Variants in FSIP2 observed in about 807,000 individuals in gnomAD.
The protein encoded by FSIP2 is fibrous sheath-interacting protein 2.
Under a neutral mutation model 510.5 loss-of-function variants are expected in FSIP2, and 367 were observed. That is an observed-to-expected ratio of 0.72 (90% CI 0.66 to 0.78). The LOEUF (loss-of-function observed/expected upper bound fraction) is 0.78. Among genes scored for constraint, FSIP2 ranks in the 30% least tolerant of loss-of-function variants. FSIP2 has a pLI of 0.00. For synonymous variants in FSIP2, 2,601 were observed against 2,732.2 expected, an observed-to-expected ratio of 0.95 and a Z score of 1.50; for missense variants, 7,594 against 7,901.7, an observed-to-expected ratio of 0.96 and a Z score of 1.48.
In FSIP2 at chr2:185,795,357, G is replaced by A. The variant is rs1693242609; in HGVS notation, c.8221G>A (p.Asp2741Asn). 1 of 1,534,594 alleles carries A rather than the reference G, an allele frequency of 6.5e-7. No homozygotes were observed. Among genetic ancestry groups the A allele is most frequent in the Admixed American group, 2.0e-5 (1 of 50,890 alleles). Residue 2741 changes from aspartate (D) to asparagine (N), a missense_variant, in exon 16 of 23, where the codon GAT becomes AAT. Asp to Asn is a conservative substitution (Grantham distance 23). Coordinates refer to ENST00000424728, the MANE Select transcript of FSIP2 (RefSeq NM_173651.4). The stretch of plus-strand genomic sequence containing the variant: ...TTCAGAACTAAAAATATATGCCAAG[G>A]ATATAATAATTAACATCCTAGAAAC... ...PTSELKIYAK[D>N]IIINILETIV...
intron 4 of FSIP2, 27 bp downstream of exon 4, chr2:185,744,438 A>T: frequency 1.7e-6 from 1 of 586,998 alleles, no homozygotes; most frequent in South Asian, 3.8e-5. Context: ...AATTTGGTTT[A>T]TTTACATAGA....
intron 19 of FSIP2, among the ~76,000 whole-genome samples, chr2:185,821,786 C>CAAAAAAAATACAAAAAAAATACAAAAA (rs1693924919): frequency 6.6e-6 from 1 of 151,628 alleles, no homozygotes; most frequent in Non-Finnish European, 1.5e-5. Context: ...AATAGCCAGA[C>CAAAAAAAATACAAAAAAAATACAAAAA]ATGGTGGTGT....
At chr2:185,751,461 CTGTGTGTG>C (rs56395901) in intron 7 of FSIP2, among the ~76,000 whole-genome samples, 14 of 135,870 alleles carry the variant, frequency 1.0e-4, no homozygotes, top group African/African-American at 2.4e-4. Flanking sequence ...CTTTATTTTT[CTGTGTGTG>C]TGTGTGTGTG....
intron 5 of FSIP2, 72 bp downstream of exon 5, chr2:185,745,640 A>C: frequency 7.7e-7 from 1 of 1,294,348 alleles, no homozygotes; most frequent in Non-Finnish European, 1.0e-6. Flanking sequence ...ACTAGAAAGA[A>C]TTGAAGACAA....
rs749661092 is a variant in FSIP2 at position 185,807,528 on chromosome 2, A to G, written c.18222A>G (p.Gln6074=). The G allele has an allele frequency of 6.2e-7, 1 of 1,610,990 alleles. No homozygotes were observed. Among genetic ancestry groups the G allele is most frequent in the Admixed American group, 1.7e-5 (1 of 59,738 alleles). The change falls in exon 17 of 23, where the codon CAA becomes CAG. Residue 6074 remains glutamine (Q), a synonymous_variant. Coordinates refer to ENST00000424728, the MANE Select transcript of FSIP2 (RefSeq NM_173651.4). The part of the protein sequence containing the change: ...YMTIQYVETL[Q]SDDDEIIQLV... ...CTATACAGTATGTAGAAACCTTACA[A>G]TCTGATGATGATGAAATTATTCAAT... is the stretch of plus-strand genomic sequence containing the variant.
intron 7 of FSIP2, among the ~76,000 whole-genome samples, chr2:185,748,824 T>C (rs7574766): frequency 0.54 from 82,727 of 151,926 alleles, 22,789 homozygotes; most frequent in South Asian, 0.64. Flanking sequence ...TGGAGTTATT[T>C]TACAATTGTC....
At chr2:185,777,741 T>C (rs1692758179) in intron 13 of FSIP2, among the ~76,000 whole-genome samples, 1 of 152,138 alleles carries the variant, frequency 6.6e-6, no homozygotes, top group Non-Finnish European at 1.5e-5. Context: ...TATACATGTG[T>C]AGATTAAATT....
intron 13 of FSIP2, among the ~76,000 whole-genome samples, chr2:185,781,767 TG>T (rs1180593869): frequency 1.3e-5 from 2 of 152,360 alleles, no homozygotes; most frequent in East Asian, 3.9e-4. Context: ...TTTAGCATAT[TG>T]CTGGAAACCA....
At position 185,807,970 on chromosome 2, in the gene FSIP2, G is replaced by T. The variant is rs775082765; in HGVS notation, c.18664G>T (p.Glu6222Ter). The change falls in exon 17 of 23, where the codon GAA becomes TAA. Residue 6222 changes from glutamate to a stop codon, truncating the protein, a stop_gained. Coordinates refer to ENST00000424728, the MANE Select transcript of FSIP2 (RefSeq NM_173651.4). LOFTEE classifies it high-confidence loss of function. Reference sequence around the variant, plus strand: ...TTCAAAAGTACTAAATTCAGTCCAAGAATTTATCTCCAAAAGTAAGATTAA... The same window carrying T: ...TTCAAAAGTACTAAATTCAGTCCAATAATTTATCTCCAAAAGTAAGATTAA... ...ITSKVLNSVQ[E>*]FISKSKIKLV... 4.3e-6 allele frequency: 7 copies of T among 1,610,310 alleles called. No homozygotes were observed. Among genetic ancestry groups the T allele is most frequent in the Admixed American group, 1.7e-5 (1 of 59,600 alleles).
At position 185,781,691 on chromosome 2, in the gene FSIP2, T is replaced by C. The variant is rs781293714; in HGVS notation, c.1412-1014T>C. On this transcript the variant is annotated intron_variant, in intron 13 of 22. Coordinates refer to ENST00000424728, the MANE Select transcript of FSIP2 (RefSeq NM_173651.4). ...AAGTTCTCCTATCTCTTTGAAAGTT[T>C]AGCTATTTTTAACAGTATGGCTTTA... 7.9e-5 allele frequency among the ~76,000 whole-genome samples: 12 copies of C among 152,234 alleles called. No homozygotes were observed. The South Asian group carries it at 1.7e-3, about 21-fold the overall frequency.
intron 13 of FSIP2, chr2:185,766,045 C>A (rs1213997247): frequency 6.6e-6 from 1 of 151,782 alleles, no homozygotes; most frequent in Non-Finnish European, 1.5e-5. Flanking sequence ...AGATTTTGGG[C>A]TGAGACAATG....
intron 21 of FSIP2, among the ~76,000 whole-genome samples, chr2:185,831,290 A>G (rs1694104455): frequency 6.6e-6 from 1 of 151,860 alleles, no homozygotes; most frequent in Admixed American, 6.6e-5. Context: ...CTGCTCTTGC[A>G]TTCAAAATTG....
chr2:185,826,776 G>A (rs1694018211), intron 20 of FSIP2, among the ~76,000 whole-genome samples: 1 of 151,790 alleles, frequency 6.6e-6, no homozygotes, highest in Admixed American at 6.6e-5. Flanking sequence ...GCAACCAAAG[G>A]TGAAGGAGGA....
chr2:185,828,491 G>A (rs1163576341), intron 21 of FSIP2, among the ~76,000 whole-genome samples: 2 of 151,824 alleles, frequency 1.3e-5, no homozygotes, highest in African/African-American at 4.8e-5. Flanking sequence ...TATTAGCTCT[G>A]TTACTACAAT....
Position 185,797,046 on chromosome 2 carries a change from C to T in FSIP2, c.9910C>T (p.His3304Tyr). The T allele has an allele frequency of 6.5e-7, 1 of 1,535,172 alleles. No individual in the cohort carries two copies. The highest frequency in any genetic ancestry group is 8.7e-7 in the Non-Finnish European group (1 of 1,146,268). Residue 3304 changes from histidine to tyrosine, a missense_variant, in exon 16 of 23, where the codon CAT (histidine) becomes TAT (tyrosine). Physicochemically the swap from His to Tyr is moderately conservative, Grantham distance 83 (BLOSUM62 2). Coordinates refer to ENST00000424728, the MANE Select transcript of FSIP2 (RefSeq NM_173651.4). ...AAAAGGTGAAAATCTAAGAGTGTTT[C>T]ATTATGAGAACCTAAAACCAGTTGT... ...MGKGENLRVFHYENLKPVVEP... is the reference protein window; with the variant it reads ...MGKGENLRVFYYENLKPVVEP...
chr2:185,821,925 CAAAAA>C (rs35066355), intron 19 of FSIP2, among the ~76,000 whole-genome samples: 1 of 127,460 alleles, frequency 7.8e-6, no homozygotes. Context: ...GACCCTATCT[CAAAAA>C]AAAAAAAAAA....
Position 185,743,123 on chromosome 2 carries a change from G to C in FSIP2, c.226-10G>C. ...ATTAATTTTACATATTTTTGAATCTGTGTTTGCAGCTTTTTCGACCTTCTT... is the reference window on the plus strand; with the variant it reads ...ATTAATTTTACATATTTTTGAATCTCTGTTTGCAGCTTTTTCGACCTTCTT... On this transcript the variant is annotated splice_polypyrimidine_tract_variant and intron_variant, in intron 2 of 22. Transcript: ENST00000424728. 1 of 1,447,670 alleles carries C rather than the reference G, an allele frequency of 6.9e-7. No homozygotes were observed. The highest frequency in any genetic ancestry group is 9.0e-7 in the Non-Finnish European group (1 of 1,106,270). The allele number at this position is 1,447,670 out of a possible 1,614,324, so 89.7% of individuals were successfully genotyped here.
At chr2:185,759,634 A>G (rs1211795124) in intron 9 of FSIP2, among the ~76,000 whole-genome samples, 1 of 146,276 alleles carries the variant, frequency 6.8e-6, no homozygotes, top group Non-Finnish European at 1.5e-5. Flanking sequence ...TAATATTAAT[A>G]ATATTGTTAT....
rs1321704492 is a variant in FSIP2 at position 185,801,451 on chromosome 2, T to G, written c.12145T>G (p.Ser4049Ala). 2 of 1,533,964 alleles carry G rather than the reference T, an allele frequency of 1.3e-6. No individual in the cohort carries two copies. Among genetic ancestry groups the G allele is most frequent in the Non-Finnish European group, 1.7e-6 (2 of 1,145,496 alleles). Residue 4049 changes from serine to alanine, a missense_variant, in exon 17 of 23, where the codon TCA becomes GCA. Coordinates refer to ENST00000424728, the MANE Select transcript of FSIP2 (RefSeq NM_173651.4). ...AGAAACTGTTAGCAAAATTGTTGAC[T>G]CAGTTTATTATGATGTTTTACAGCA... ...HTETVSKIVD[S>A]VYYDVLQQYE...
Sources: gnomAD v4.1 joint callset for allele counts (sites outside exome capture counted in the v4.1 genomes callset) on GRCh38, gnomAD v4.1.1 for gene constraint, MANE v1.5 for transcripts, NCBI Gene and HGNC (gene_info 2026-07-23, HGNC 2026-07-21) for gene names.